WDR72: variants seen among roughly 807,000 people sequenced by gnomAD.
WDR72 encodes the protein WD repeat-containing protein 72.
Under a neutral mutation model 124.2 loss-of-function variants are expected in WDR72, and 120 were observed. The observed-to-expected ratio is 0.97, with a 90% CI of 0.83 to 1.12. The LOEUF (loss-of-function observed/expected upper bound fraction) is 1.12, where lower values mean the gene tolerates loss of function less well. Among genes scored for constraint, WDR72 ranks in the 50% most tolerant of loss-of-function variants. The pLI, the probability that WDR72 is intolerant of heterozygous loss-of-function variation, is 0.00. For synonymous variants in WDR72, 452 were observed against 441.7 expected (o/e 1.02, Z -0.29); for missense variants, 1,387 against 1,278.8 (o/e 1.08, Z -1.29).
At chr15:53,649,396 C>T (rs2015153614) in intron 14 of WDR72, among the ~76,000 whole-genome samples, 1 of 152,066 alleles carries the variant, frequency 6.6e-6, no homozygotes, top group Non-Finnish European at 1.5e-5. Context: ...AATATTTTTT[C>T]TGGGCAAAAA....
At position 53,665,552 on chromosome 15, in the gene WDR72, A is replaced by G. The variant is rs1287231136; in HGVS notation, c.1962+20T>C. 1.9e-6 allele frequency: 3 copies of G among 1,613,548 alleles called. No individual in the cohort carries two copies. The highest frequency in any genetic ancestry group is 2.5e-6 in the Non-Finnish European group (3 of 1,179,614). On this transcript the variant is annotated intron_variant, in intron 14 of 19. Transcript: ENST00000360509. The stretch of plus-strand genomic sequence containing the variant: ...CGGTTGATAATGTTCTTTGTGAACA[A>G]CAGCTTGATTTGAACTTACCTTACA...
chr15:53,584,084 C>T (rs1223166489), intron 18 of WDR72, among the ~76,000 whole-genome samples: 1 of 151,620 alleles, frequency 6.6e-6, no homozygotes, highest in African/African-American at 2.4e-5. Context: ...ATAATGTCTA[C>T]ATAATTACAC....
At position 53,607,051 on chromosome 15, in the gene WDR72, T is replaced by G. The variant is rs189355438; in HGVS notation, c.2952+2462A>C. On this transcript the variant is annotated intron_variant, in intron 17 of 19. Transcript: ENST00000360509. The stretch of plus-strand genomic sequence containing the variant: ...TGCTATTTTAATCTTGCAAATATGA[T>G]ATGTAATGTATCAAGTTCATAAAAA... Among the ~76,000 whole-genome samples, 128 of 152,320 alleles carry G rather than the reference T, an allele frequency of 8.4e-4. 1 individual carries two copies. The highest frequency in any genetic ancestry group is 7.4e-3 in the Admixed American group (113 of 15,286).
intron 13 of WDR72, among the ~76,000 whole-genome samples, chr15:53,678,158 G>A: frequency 6.6e-6 from 1 of 152,186 alleles, no homozygotes; most frequent in East Asian, 1.9e-4. Context: ...AAGACAATCA[G>A]CAAATTTTTC....
At chr15:53,702,043 G>A in intron 12 of WDR72, 91 bp downstream of exon 12, 2 of 940,062 alleles carry the variant, frequency 2.1e-6, no homozygotes, top group South Asian at 3.5e-5. Flanking sequence ...CTTTTCTTTG[G>A]AAATATGGGT....
At chr15:53,630,537 CAT>C (rs964768349) in intron 14 of WDR72, among the ~76,000 whole-genome samples, 16 of 152,156 alleles carry the variant, frequency 1.1e-4, no homozygotes, top group Non-Finnish European at 2.1e-4. Flanking sequence ...ATTTATCCCA[CAT>C]ATAGAGTTGA....
chr15:53,644,148 G>A (rs952281934), intron 14 of WDR72, among the ~76,000 whole-genome samples: 2 of 151,382 alleles, frequency 1.3e-5, no homozygotes, highest in Admixed American at 1.3e-4. Flanking sequence ...TATTTGAGAG[G>A]GTATCCATAT....
At chr15:53,728,778 C>T (rs2018116928) in intron 2 of WDR72, among the ~76,000 whole-genome samples, 1 of 152,144 alleles carries the variant, frequency 6.6e-6, no homozygotes, top group Admixed American at 6.5e-5. Flanking sequence ...GGAGAAGCTC[C>T]TCACTGGTAG....
intron 17 of WDR72, among the ~76,000 whole-genome samples, chr15:53,606,552 C>T (rs2013291178): frequency 1.3e-5 from 2 of 152,114 alleles, no homozygotes. Context: ...GCAAGCAAAA[C>T]AGCAAATAAT....
At chr15:53,724,110 C>A (rs2017952766) in intron 2 of WDR72, among the ~76,000 whole-genome samples, 1 of 152,110 alleles carries the variant, frequency 6.6e-6, no homozygotes, top group Admixed American at 6.6e-5. Context: ...CCTAAAAGGC[C>A]AAACTCATAG....
intron 18 of WDR72, among the ~76,000 whole-genome samples, chr15:53,570,391 GA>G (rs1011198478): frequency 8.6e-5 from 13 of 150,820 alleles, no homozygotes; most frequent in African/African-American, 3.2e-4. Flanking sequence ...ACAGATCAAG[GA>G]AAAAAATGAA....
chr15:53,655,230 C>CAAA (rs531072099), intron 14 of WDR72, among the ~76,000 whole-genome samples: 109 of 54,604 alleles, frequency 2.0e-3, no homozygotes, highest in Non-Finnish European at 2.7e-3. Context: ...GATGCCATCT[C>CAAA]AAAAAAAAAA....
chr15:53,668,986 A>G (rs12907971), intron 13 of WDR72, among the ~76,000 whole-genome samples: 29,770 of 88,846 alleles, frequency 0.34, 5,431 homozygotes, highest in Middle Eastern at 0.49. Flanking sequence ...GGAGAAGGAG[A>G]AGGAGGAGGA....
intron 13 of WDR72, among the ~76,000 whole-genome samples, chr15:53,675,739 A>T (rs1223541393): frequency 6.6e-6 from 1 of 152,194 alleles, no homozygotes; most frequent in Non-Finnish European, 1.5e-5. Flanking sequence ...ATTTAATCAG[A>T]TCAATATCTT....
chr15:53,733,189 A>G, intron 1 of WDR72, 28 bp from the exon 2 acceptor site: 2 of 1,612,048 alleles, frequency 1.2e-6, no homozygotes, highest in Middle Eastern at 1.7e-4. Flanking sequence ...GAAGAAGCAT[A>G]CATGGTCATC....
intron 14 of WDR72, among the ~76,000 whole-genome samples, chr15:53,663,832 G>A (rs78406536): frequency 2.8e-4 from 43 of 152,010 alleles, no homozygotes; most frequent in Non-Finnish European, 5.7e-4. Flanking sequence ...GACTGTCAGT[G>A]TGGTTCAATT....
chr15:53,622,189 A>T (rs1434260965), intron 14 of WDR72, among the ~76,000 whole-genome samples: 1 of 152,152 alleles, frequency 6.6e-6, no homozygotes, highest in Admixed American at 6.5e-5. Context: ...CATGTAAATT[A>T]GTTCAACCAC....
At chr15:53,708,156 T>A (rs534949059) in intron 9 of WDR72, among the ~76,000 whole-genome samples, 6 of 152,288 alleles carry the variant, frequency 3.9e-5, no homozygotes, top group Admixed American at 3.9e-4. Flanking sequence ...CCTTACCATG[T>A]GAATTCCGAT....
At chr15:53,536,927 C>G (rs1421046947) in intron 18 of WDR72, among the ~76,000 whole-genome samples, 1 of 152,162 alleles carries the variant, frequency 6.6e-6, no homozygotes, top group East Asian at 1.9e-4. Flanking sequence ...GGATCATCTT[C>G]TTATAAGCTC....
Sources: allele counts gnomAD v4.1 joint callset (sites outside exome capture counted in the v4.1 genomes callset), GRCh38; gene constraint gnomAD v4.1.1; transcripts MANE v1.5; gene names NCBI Gene and HGNC (gene_info 2026-07-23, HGNC 2026-07-21).